NRXN3: variants seen among roughly 807,000 people sequenced by gnomAD.
NRXN3 encodes neurexin III.
A neutral mutation model predicts 137.6 loss-of-function variants in NRXN3; 32 were observed. The observed-to-expected ratio is 0.23, with a 90% confidence interval of 0.18 to 0.31. NRXN3 has a LOEUF of 0.31. NRXN3 is among the 10% of genes least tolerant of loss of function. NRXN3 has a pLI of 1.00. For missense variants in NRXN3, 1,574 were observed against 2,062.5 expected, an observed-to-expected ratio of 0.76 and a Z score of 4.59; for synonymous variants, 798 against 784.5, an observed-to-expected ratio of 1.02 and a Z score of -0.29.
Position 78,608,103 on chromosome 14 carries a change from C to T in NRXN3, c.758-37017C>T, listed in dbSNP as rs554803926. 2.0e-5 allele frequency among the ~76,000 whole-genome samples: 3 copies of T among 152,156 alleles called. No homozygotes were observed. The East Asian group carries it at 5.8e-4, about 29-fold the overall frequency. On this transcript the variant is annotated intron_variant, in intron 4 of 20. Coordinates refer to ENST00000335750, the MANE Select transcript of NRXN3 (RefSeq NM_001330195.2). ...AACAATATTAAGGTATAAAGAAAAC[C>T]AGAGACATGAAACAGAAGTTGGACT...
At chr14:78,811,095 G>A (rs1277985039) in intron 10 of NRXN3, among the ~76,000 whole-genome samples, 2 of 152,128 alleles carry the variant, frequency 1.3e-5, no homozygotes, top group Non-Finnish European at 2.9e-5. Flanking sequence ...GAAAGAATAG[G>A]CCTAGATGAT....
At position 78,341,519 on chromosome 14, in the gene NRXN3, G is replaced by A. The variant is rs529577968; in HGVS notation, c.757+43659G>A. ...GCCATAGACAATATGTAAAAAATGAGCGTGACTGTGTTCCAGTGAAATTTT... is the reference window on the plus strand; with the variant it reads ...GCCATAGACAATATGTAAAAAATGAACGTGACTGTGTTCCAGTGAAATTTT... On this transcript the variant is annotated intron_variant, in intron 4 of 20. Transcript: ENST00000335750. Among the ~76,000 whole-genome samples the A allele has an allele frequency of 9.2e-5, 14 of 152,288 alleles. No homozygotes were observed. The East Asian group carries it at 2.7e-3, about 29-fold the overall frequency.
chr14:79,448,929 C>G (rs1567157906), intron 15 of NRXN3, among the ~76,000 whole-genome samples: 1 of 152,212 alleles, frequency 6.6e-6, no homozygotes, highest in Non-Finnish European at 1.5e-5. Context: ...GGACTGCTCA[C>G]TGCACATGAA....
At chr14:78,934,099 T>G (rs1009367322) in intron 10 of NRXN3, among the ~76,000 whole-genome samples, 3 of 143,312 alleles carry the variant, frequency 2.1e-5, no homozygotes, top group Admixed American at 7.2e-5. Context: ...TTGGGTCTTG[T>G]AAATTGAGTG....
intron 15 of NRXN3, among the ~76,000 whole-genome samples, chr14:79,026,982 A>T (rs1350176472): frequency 2.3e-4 from 1 of 4,374 alleles, no homozygotes; most frequent in Non-Finnish European, 1.3e-3. Context: ...ATATATATAT[A>T]TATATATATA....
At chr14:79,652,107 C>A (rs2153973133) in intron 16 of NRXN3, among the ~76,000 whole-genome samples, 1 of 152,232 alleles carries the variant, frequency 6.6e-6, no homozygotes, top group Non-Finnish European at 1.5e-5. Context: ...ATTACTTTGC[C>A]TAAAAGAAAA....
At chr14:79,858,198 G>T (rs955231932) in intron 20 of NRXN3, among the ~76,000 whole-genome samples, 10 of 151,202 alleles carry the variant, frequency 6.6e-5, no homozygotes, top group Non-Finnish European at 1.3e-4. Flanking sequence ...TAAATGAGAG[G>T]GAGATAGCAA....
At chr14:78,206,977 C>T (rs1224164283) in intron 1 of NRXN3, among the ~76,000 whole-genome samples, 1 of 152,066 alleles carries the variant, frequency 6.6e-6, no homozygotes, top group Non-Finnish European at 1.5e-5. Context: ...AATTCTCCTG[C>T]CTCAGCCTCC....
intron 6 of NRXN3, among the ~76,000 whole-genome samples, chr14:78,684,262 G>T (rs139136407): frequency 1.5e-3 from 229 of 152,264 alleles, no homozygotes; most frequent in African/African-American, 5.4e-3. Context: ...GGCCTCTAAC[G>T]AGGGGGCACA....
chr14:79,279,939 C>T lies in NRXN3; in HGVS notation c.3263-187282C>T, dbSNP rs931660888. ...GGCTCCCGGGAGTGTGCGGTTAAGTCATCAGACTCGAAGTGCCTAGAGATC... is the reference window on the plus strand; with the variant it reads ...GGCTCCCGGGAGTGTGCGGTTAAGTTATCAGACTCGAAGTGCCTAGAGATC... On this transcript the variant is annotated intron_variant, in intron 15 of 20. Coordinates refer to ENST00000335750, the MANE Select transcript of NRXN3 (RefSeq NM_001330195.2). The T allele has an allele frequency of 4.7e-5, 51 of 1,093,334 alleles. No homozygotes were observed. The African/African-American group carries it at 8.1e-4, about 17-fold the overall frequency. 67.7% of individuals were successfully genotyped at this position (1,093,334 alleles called of 1,614,324 possible). A position where few individuals can be genotyped will look rare whatever the true frequency, so the allele number is the denominator to read the frequency against.
At chr14:78,568,961 GTTTTT>G (rs34485878) in intron 4 of NRXN3, among the ~76,000 whole-genome samples, 10 of 103,738 alleles carry the variant, frequency 9.6e-5, no homozygotes, top group African/African-American at 2.0e-4. Flanking sequence ...GACTTTGCAG[GTTTTT>G]TTTTTTTTTT....
rs2098026940 is a variant in NRXN3, at chr14:78,677,961, G to T, written c.1221+26635G>T. ...TGATTTTAATTAAGGTTTGTACATT[G>T]TGTTTTTAGACATAATGCTATTACA... is the stretch of plus-strand genomic sequence containing the variant. On this transcript the variant is annotated intron_variant, in intron 6 of 20. Coordinates refer to ENST00000335750, the MANE Select transcript of NRXN3 (RefSeq NM_001330195.2). Among the ~76,000 whole-genome samples, 3 of 152,054 alleles carry T rather than the reference G, an allele frequency of 2.0e-5. No individual in the cohort carries two copies. The South Asian group carries it at 6.2e-4, about 32-fold the overall frequency.
Position 79,554,315 on chromosome 14 carries a change from C to T in NRXN3, c.3444+86913C>T, listed in dbSNP as rs1041775887. Among the ~76,000 whole-genome samples, 9 of 152,236 alleles carry T rather than the reference C, an allele frequency of 5.9e-5. No individual in the cohort carries two copies. In the South Asian group the frequency reaches 8.3e-4, roughly 14 times the overall value. On this transcript the variant is annotated intron_variant, in intron 16 of 20. Transcript: ENST00000335750. ...AGGAAGACTCGTAAAATGGAAACTA[C>T]GGTTGCTGAAACACGTTGTCTACTC... is the stretch of plus-strand genomic sequence containing the variant.
At chr14:79,071,284 G>T (rs1490946441) in intron 15 of NRXN3, among the ~76,000 whole-genome samples, 1 of 151,952 alleles carries the variant, frequency 6.6e-6, no homozygotes, top group Non-Finnish European at 1.5e-5. Flanking sequence ...TGCAGAACAT[G>T]CAGGTTTGTT....
chr14:79,796,188 T>G (rs1053428410), intron 19 of NRXN3, among the ~76,000 whole-genome samples: 2 of 152,196 alleles, frequency 1.3e-5, no homozygotes, highest in Non-Finnish European at 2.9e-5. Context: ...TCTAGATTCT[T>G]AAAGATGGTG....
rs902719447 is a variant in NRXN3 at position 79,078,523 on chromosome 14, A to T, written c.3262+90382A>T. ...ATTTTAACTCTATCCATGCATGAGG[A>T]CACTAAGTAAGATGAAGCTTGTTTT... On this transcript the variant is annotated intron_variant, in intron 15 of 20. Transcript: ENST00000335750. 7.2e-5 allele frequency among the ~76,000 whole-genome samples: 11 copies of T among 152,210 alleles called. 1 individual carries two copies. Among genetic ancestry groups the T allele is most frequent in the Admixed American group, 3.3e-4 (5 of 15,286 alleles).
intron 10 of NRXN3, among the ~76,000 whole-genome samples, chr14:78,882,321 C>A (rs1455354392): frequency 6.6e-6 from 1 of 151,658 alleles, no homozygotes; most frequent in East Asian, 1.9e-4. Flanking sequence ...CCTCCAGAAC[C>A]CAGAATGGTA....
At chr14:78,626,106 C>A (rs1025875817) in intron 4 of NRXN3, among the ~76,000 whole-genome samples, 1 of 152,192 alleles carries the variant, frequency 6.6e-6, no homozygotes, top group African/African-American at 2.4e-5. Context: ...TGAAAAACAA[C>A]TTTTAAGGCA....
intron 16 of NRXN3, among the ~76,000 whole-genome samples, chr14:79,599,905 G>T (rs1345691161): frequency 6.6e-6 from 1 of 152,222 alleles, no homozygotes; most frequent in African/African-American, 2.4e-5. Context: ...TGAGGCAGGG[G>T]AATCTCTTGA....
Sources: allele counts gnomAD v4.1 joint callset (sites outside exome capture counted in the v4.1 genomes callset), GRCh38; gene constraint gnomAD v4.1.1; transcripts MANE v1.5; gene names NCBI Gene and HGNC (gene_info 2026-07-23, HGNC 2026-07-21).